The following NPHP4 variants were observed in gnomAD, a reference collection of about 807,000 sequenced individuals.
The protein encoded by NPHP4 is nephrocystin-4.
NPHP4 carries 151 observed loss-of-function variants against 155.8 expected under a neutral mutation model. The observed-to-expected ratio is 0.97, with a 90% CI of 0.85 to 1.11. The LOEUF (loss-of-function observed/expected upper bound fraction) is 1.11. NPHP4 is among the 50% of genes least tolerant of loss of function. The pLI is 0.00. For missense variants in NPHP4, 1,956 were observed against 1,925.7 expected (o/e 1.02, Z -0.29); for synonymous variants, 845 against 816.8 (o/e 1.03, Z -0.59).
chr1:5,947,377 G>GCA, intron 8 of NPHP4, 147 bp from the exon 9 acceptor site: 1 of 747,038 alleles, frequency 1.3e-6, no homozygotes, highest in Non-Finnish European at 2.2e-6. Flanking sequence ...ATGTAACACT[G>GCA]CACGCTCTCC....
At chr1:5,962,562 C>T (rs1182744449) in intron 5 of NPHP4, among the ~76,000 whole-genome samples, 1 of 152,190 alleles carries the variant, frequency 6.6e-6, no homozygotes, top group Non-Finnish European at 1.5e-5. Context: ...GAGGGCAGCA[C>T]TGGAGGGAGG....
In NPHP4 at chr1:5,986,305, G is replaced by T. The variant is rs770906140; in HGVS notation, c.-16C>A. The stretch of plus-strand genomic sequence containing the variant: ...AGTCGTTCATCCTGCCCGCCTGAGG[G>T]TCCCGTGGGCTTCCCGGATGATCTG... On this transcript the variant is annotated 5_prime_UTR_variant, in exon 2 of 30. Transcript: ENST00000378156. 1.2e-6 allele frequency: 2 copies of T among 1,613,050 alleles called. No homozygotes were observed. The highest frequency in any genetic ancestry group is 1.7e-6 in the Non-Finnish European group (2 of 1,179,510).
chr1:5,872,440 C>T (rs966107326), intron 23 of NPHP4, among the ~76,000 whole-genome samples: 2 of 152,192 alleles, frequency 1.3e-5, no homozygotes, highest in African/African-American at 4.8e-5. Context: ...GGACTTCCCA[C>T]TCATGTAAGG....
intron 10 of NPHP4, 40 bp downstream of exon 10, chr1:5,933,107 A>T: frequency 7.1e-7 from 1 of 1,413,040 alleles, no homozygotes; most frequent in Non-Finnish European, 9.5e-7. Context: ...AACTTGCTAG[A>T]AGCTCACCGG....
rs2100373812 is a variant in NPHP4 at position 5,863,984 on chromosome 1, C to T, written c.4046G>A (p.Arg1349Lys). 6.2e-7 allele frequency: 1 copy of T among 1,613,804 alleles called. No homozygotes were observed. Among genetic ancestry groups the T allele is most frequent in the African/African-American group, 1.3e-5 (1 of 75,016 alleles). Residue 1349 changes from arginine (R) to lysine (K), a missense_variant, in exon 29 of 30, where the codon AGG becomes AAG. Physicochemically the swap from Arg to Lys is conservative, Grantham distance 26. Coordinates refer to ENST00000378156, the MANE Select transcript of NPHP4 (RefSeq NM_015102.5). ...GGGGTAGGGGTTGGTGTAGGTGATC[C>T]TCTTGTTGACACCCTTCCCTTCGCC... is the stretch of plus-strand genomic sequence containing the variant. ...AAGEGKGVNK[R>K]ITYTNPYPSR... is the part of the protein sequence containing the mutation.
chr1:5,933,983 G>A (rs1406577641), intron 9 of NPHP4, among the ~76,000 whole-genome samples: 1 of 152,160 alleles, frequency 6.6e-6, no homozygotes. Context: ...AATCCCTTGG[G>A]TTACAACCAC....
chr1:5,919,577 C>T (rs1487689029), intron 11 of NPHP4, among the ~76,000 whole-genome samples: 1 of 152,180 alleles, frequency 6.6e-6, no homozygotes. Flanking sequence ...AAAAGGAGGA[C>T]CACCTGAACA....
At position 5,944,659 on chromosome 1, in the gene NPHP4, G is replaced by A. The variant is rs978222199; in HGVS notation, c.1119+2445C>T. On this transcript the variant is annotated intron_variant, in intron 9 of 29. Coordinates refer to ENST00000378156, the MANE Select transcript of NPHP4 (RefSeq NM_015102.5). This position sits in a 1 kb window ranked among gnomAD's most constrained non-coding sequence, Gnocchi z 4.3. Reference sequence around the variant, plus strand: ...GAATCCAGTATTCCCAGTTACAATCGACCAGCACATCGGAAAGTACCAATG... The same window carrying A: ...GAATCCAGTATTCCCAGTTACAATCAACCAGCACATCGGAAAGTACCAATG... Among the ~76,000 whole-genome samples the A allele has an allele frequency of 7.9e-5, 12 of 152,254 alleles. No individual in the cohort carries two copies. The highest frequency in any genetic ancestry group is 3.3e-4 in the Admixed American group (5 of 15,296).
intron 9 of NPHP4, among the ~76,000 whole-genome samples, chr1:5,943,404 T>A (rs1013165541): frequency 6.6e-6 from 1 of 152,182 alleles, no homozygotes; most frequent in African/African-American, 2.4e-5. Context: ...CCAGGTAGCC[T>A]CCTCGTCTGT....
chr1:5,909,021 G>A (rs1009859726), intron 12 of NPHP4, 131 bp downstream of exon 12: 36 of 774,460 alleles, frequency 4.6e-5, no homozygotes, highest in African/African-American at 6.9e-5. Flanking sequence ...CAGCCCCGCC[G>A]CCGCCAGCAG....
chr1:5,895,870 G>A (rs1486572282), intron 16 of NPHP4, among the ~76,000 whole-genome samples: 5 of 152,208 alleles, frequency 3.3e-5, no homozygotes, highest in East Asian at 1.9e-4. Context: ...GGGCACAGGC[G>A]ACATCTATGC....
intron 3 of NPHP4, among the ~76,000 whole-genome samples, chr1:5,971,944 C>T (rs1366359854): frequency 2.0e-5 from 3 of 152,274 alleles, no homozygotes; most frequent in East Asian, 3.8e-4. Flanking sequence ...ATTAATAAAT[C>T]ATTTAAATGC....
In NPHP4 at chr1:5,900,006, C is replaced by G. The variant is rs531302975; in HGVS notation, c.2143+4611G>C. On this transcript the variant is annotated intron_variant, in intron 16 of 29. Transcript: ENST00000378156. ...ACTAGAGAACTGCAAATTACAACAACAAGACACCACTGCACTGCCTGCTAG... is the reference window on the plus strand; with the variant it reads ...ACTAGAGAACTGCAAATTACAACAAGAAGACACCACTGCACTGCCTGCTAG... Among the ~76,000 whole-genome samples, 18 of 152,266 alleles carry G rather than the reference C, an allele frequency of 1.2e-4. No individual in the cohort carries two copies. In the South Asian group the frequency reaches 3.7e-3, roughly 32 times the overall value.
chr1:5,878,877 G>A (rs1321556398), intron 19 of NPHP4, among the ~76,000 whole-genome samples: 2 of 152,232 alleles, frequency 1.3e-5, no homozygotes, highest in African/African-American at 4.8e-5. Flanking sequence ...GGGACCAGCT[G>A]AGGATGAAGG....
chr1:5,973,079 T>C lies in NPHP4; in HGVS notation c.280-3820A>G, dbSNP rs541847662. Among the ~76,000 whole-genome samples, 10 of 152,270 alleles carry C rather than the reference T, an allele frequency of 6.6e-5. No homozygotes were observed. In the South Asian group the frequency reaches 2.1e-3, roughly 32 times the overall value. On this transcript the variant is annotated intron_variant, in intron 3 of 29. Transcript: ENST00000378156. ...TTTAAATTTTTAGTAGAGACAGGGTTTCACCATGTTGGCCAGGCTGGTCTC... is the reference window on the plus strand; with the variant it reads ...TTTAAATTTTTAGTAGAGACAGGGTCTCACCATGTTGGCCAGGCTGGTCTC...
At chr1:5,976,701 C>G (rs1295140489) in intron 3 of NPHP4, among the ~76,000 whole-genome samples, 1 of 152,224 alleles carries the variant, frequency 6.6e-6, no homozygotes, top group Non-Finnish European at 1.5e-5. Context: ...TACACTCTAG[C>G]AAGGCTTTTT....
In NPHP4 at chr1:5,920,309, C is replaced by G. The variant is rs979952964; in HGVS notation, c.1441+7340G>C. Among the ~76,000 whole-genome samples the G allele has an allele frequency of 2.0e-5, 3 of 152,194 alleles. No individual in the cohort carries two copies. In the South Asian group the frequency reaches 6.2e-4, roughly 32 times the overall value. ...CTCTTGGCTTCAAGCCATCCTCCCA[C>G]CTCAGCCTCCCAACATGCTGGGATT... is the stretch of plus-strand genomic sequence containing the variant. On this transcript the variant is annotated intron_variant, in intron 11 of 29. Transcript: ENST00000378156.
intron 6 of NPHP4, 32 bp from the exon 7 acceptor site, chr1:5,952,868 C>T: frequency 6.4e-7 from 1 of 1,570,806 alleles, no homozygotes; most frequent in Non-Finnish European, 8.6e-7. Context: ...AAGGGTCATC[C>T]TTGGGAATAA....
intron 18 of NPHP4, among the ~76,000 whole-genome samples, chr1:5,883,195 G>A (rs1424560307): frequency 6.6e-6 from 1 of 152,182 alleles, no homozygotes; most frequent in Non-Finnish European, 1.5e-5. Flanking sequence ...GGAAGGGACG[G>A]CAGCCTGAAC....
Sources: gnomAD v4.1 joint callset for allele counts (sites outside exome capture counted in the v4.1 genomes callset) on GRCh38, gnomAD v4.1.1 for gene constraint, Gnocchi (gnomAD v3.1) non-coding constraint, MANE v1.5 for transcripts, NCBI Gene and HGNC (gene_info 2026-07-23, HGNC 2026-07-21) for gene names.